Variants in HNF1B observed in about 807,000 individuals in gnomAD.
HNF1B encodes the protein hepatocyte nuclear factor 1-beta.
Under a neutral mutation model 61.7 loss-of-function variants are expected in HNF1B, and 8 were observed. That is an observed-to-expected ratio of 0.13 (90% CI 0.08 to 0.23). The LOEUF (loss-of-function observed/expected upper bound fraction) is 0.23. Among genes scored for constraint, HNF1B ranks in the 10% least tolerant of loss-of-function variants. The pLI, the probability that HNF1B is intolerant of heterozygous loss-of-function variation, is 1.00. For missense variants in HNF1B, 562 were observed against 714.5 expected, an observed-to-expected ratio of 0.79 and a Z score of 2.43; for synonymous variants, 314 against 287.7, an observed-to-expected ratio of 1.09 and a Z score of -0.93.
intron 1 of HNF1B, among the ~76,000 whole-genome samples, chr17:37,743,285 C>T (rs2034056982): frequency 6.6e-6 from 1 of 152,242 alleles, no homozygotes; most frequent in Admixed American, 6.5e-5. Flanking sequence ...CTCTCTCGAC[C>T]CCTCTTAGCC....
chr17:37,739,895 A>C (rs1377120083), intron 1 of HNF1B, among the ~76,000 whole-genome samples: 1 of 152,158 alleles, frequency 6.6e-6, no homozygotes, highest in African/African-American at 2.4e-5. Context: ...GGAATAAAAA[A>C]GCACCACCAC....
intron 4 of HNF1B, among the ~76,000 whole-genome samples, chr17:37,723,295 C>T (rs997448416): frequency 6.6e-6 from 1 of 151,584 alleles, no homozygotes; most frequent in Non-Finnish European, 1.5e-5. Context: ...TGCAGTGAGC[C>T]GAGATCGCGC....
At chr17:37,700,235 A>G (rs1211459848) in intron 7 of HNF1B, among the ~76,000 whole-genome samples, 1 of 152,224 alleles carries the variant, frequency 6.6e-6, no homozygotes, top group Non-Finnish European at 1.5e-5. Context: ...CTCCTGTGTC[A>G]GGGGCTATAG....
In HNF1B at chr17:37,703,528, C is replaced by T. The variant is rs922755105; in HGVS notation, c.1339+1389G>A. Among the ~76,000 whole-genome samples the T allele has an allele frequency of 5.3e-5, 8 of 152,118 alleles. No homozygotes were observed. The South Asian group carries it at 8.3e-4, about 16-fold the overall frequency. On this transcript the variant is annotated intron_variant, in intron 6 of 8. Coordinates refer to ENST00000617811, the MANE Select transcript of HNF1B (RefSeq NM_000458.4). ...AGAAATAAGTGGAATATCTTCCCCA[C>T]GGGCCTTTTAATCAAATCTTCTAAA...
At chr17:37,693,059 C>A (rs3110633) in intron 8 of HNF1B, among the ~76,000 whole-genome samples, 9,770 of 151,594 alleles carry the variant, frequency 0.064, 686 homozygotes, top group African/African-American at 0.17. Context: ...GTGTGGTGGC[C>A]TGTGCCTGTA....
chr17:37,710,658 G>C lies in HNF1B; in HGVS notation c.1051C>G (p.Arg351Gly). 1.2e-6 allele frequency: 2 copies of C among 1,613,530 alleles called. No homozygotes were observed. The highest frequency in any genetic ancestry group is 1.7e-6 in the Non-Finnish European group (2 of 1,179,700). ...SSPPNKLSGVRYSQQGNNEIT... is the reference protein window; with the variant it reads ...SSPPNKLSGVGYSQQGNNEIT... The stretch of plus-strand genomic sequence containing the variant: ...TCATTGTTTCCCTGCTGGCTGTAGC[G>C]CACTCCTGCAAAACAACACAAACCC... Residue 351 changes from arginine to glycine, a missense_variant, in exon 5 of 9, where the codon CGC becomes GGC. Arg to Gly is a moderately radical substitution (Grantham distance 125). This residue lies in a region of HNF1B where 211 missense variants were observed against 200.7 expected (regional missense o/e 1.05). Coordinates refer to ENST00000617811, the MANE Select transcript of HNF1B (RefSeq NM_000458.4).
chr17:37,717,540 T>C (rs557851832), intron 4 of HNF1B, among the ~76,000 whole-genome samples: 3 of 152,356 alleles, frequency 2.0e-5, no homozygotes, highest in Non-Finnish European at 4.4e-5. Context: ...CCATCTTTTC[T>C]ATGAAGCCAA....
At chr17:37,704,716 T>C (rs2032682735) in intron 6 of HNF1B, among the ~76,000 whole-genome samples, 1 of 152,186 alleles carries the variant, frequency 6.6e-6, no homozygotes, top group Non-Finnish European at 1.5e-5. Flanking sequence ...TCCAAATCCA[T>C]TCCACAATTT....
intron 4 of HNF1B, chr17:37,730,354 T>A (rs2033645611): frequency 6.6e-6 from 1 of 152,382 alleles, no homozygotes; most frequent in Admixed American, 6.5e-5. Flanking sequence ...CCTAGGGGCT[T>A]CTCTGCCTCT....
intron 4 of HNF1B, among the ~76,000 whole-genome samples, chr17:37,721,428 G>C (rs778577116): frequency 3.9e-5 from 6 of 152,116 alleles, no homozygotes; most frequent in Non-Finnish European, 8.8e-5. Flanking sequence ...TGGGCCCCAA[G>C]ACTGGATGCC....
chr17:37,734,865 T>G (rs1242507820), intron 2 of HNF1B, among the ~76,000 whole-genome samples: 1 of 150,058 alleles, frequency 6.7e-6, no homozygotes, highest in African/African-American at 2.5e-5. Flanking sequence ...CTCGGCTCAC[T>G]ACAATCTCCG....
At chr17:37,719,919 G>C (rs760835581) in intron 4 of HNF1B, among the ~76,000 whole-genome samples, 7 of 152,208 alleles carry the variant, frequency 4.6e-5, no homozygotes, top group Non-Finnish European at 8.8e-5. Context: ...ATAGGGATTT[G>C]CCTGGCCAGA....
chr17:37,738,983 T>C (rs561139824), intron 2 of HNF1B, among the ~76,000 whole-genome samples: 1 of 152,256 alleles, frequency 6.6e-6, no homozygotes, highest in Non-Finnish European at 1.5e-5. Context: ...TACAAATGCA[T>C]TCTATTGTTG....
intron 4 of HNF1B, among the ~76,000 whole-genome samples, chr17:37,715,762 G>C (rs985907746): frequency 1.3e-5 from 2 of 152,160 alleles, no homozygotes; most frequent in Non-Finnish European, 2.9e-5. Flanking sequence ...ATTTACTATT[G>C]TATAGCATTG....
In HNF1B at chr17:37,702,575, A is replaced by G. The variant is rs573148594; in HGVS notation, c.1340-1398T>C. On this transcript the variant is annotated intron_variant, in intron 6 of 8. Transcript: ENST00000617811. ...TGCTTATGGTCTCAGTCTCCCAGAA[A>G]GCTCCATGAATGTGCCGTTTTTGAG... Among the ~76,000 whole-genome samples, 42 of 152,274 alleles carry G rather than the reference A, an allele frequency of 2.8e-4. 1 individual carries two copies. The highest frequency in any genetic ancestry group is 2.1e-3 in the South Asian group (10 of 4,820).
chr17:37,711,478 C>T (rs184345183), intron 4 of HNF1B, among the ~76,000 whole-genome samples: 3 of 152,312 alleles, frequency 2.0e-5, no homozygotes, highest in Admixed American at 2.0e-4. Flanking sequence ...GCTGCTCTGA[C>T]CCTCCCTCTT....
intron 5 of HNF1B, among the ~76,000 whole-genome samples, chr17:37,708,081 ACT>A: frequency 6.6e-6 from 1 of 152,228 alleles, no homozygotes; most frequent in African/African-American, 2.4e-5. Flanking sequence ...AGATGAAGAA[ACT>A]GAGGTTAAGC....
In HNF1B at chr17:37,717,367, A is replaced by G. The variant is rs1012184105; in HGVS notation, c.1046-6704T>C. 8.5e-5 allele frequency among the ~76,000 whole-genome samples: 13 copies of G among 152,216 alleles called. No individual in the cohort carries two copies. In the South Asian group the frequency reaches 2.7e-3, roughly 32 times the overall value. ...TCAACTGGCTGGGGCTCTGTCACAC[A>G]CATTCTTCCCCTGTGTTTCTAACCT... is the stretch of plus-strand genomic sequence containing the variant. On this transcript the variant is annotated intron_variant, in intron 4 of 8. Transcript: ENST00000617811.
intron 7 of HNF1B, 146 bp from the exon 8 acceptor site, chr17:37,699,340 C>G (rs1365029909): frequency 5.5e-6 from 4 of 722,616 alleles, no homozygotes; most frequent in African/African-American, 5.2e-5. Flanking sequence ...TATTAGTTAT[C>G]CATAAGATTC....
Sources: allele counts gnomAD v4.1 joint callset (sites outside exome capture counted in the v4.1 genomes callset), GRCh38; gene constraint gnomAD v4.1.1; regional missense constraint gnomAD v4.1.1; transcripts MANE v1.5; gene names NCBI Gene and HGNC (gene_info 2026-07-23, HGNC 2026-07-21).